The following KIAA1549L variants were observed in gnomAD, a reference collection of about 807,000 sequenced individuals.
The protein encoded by KIAA1549L is UPF0606 protein KIAA1549L.
Under a neutral mutation model 160.7 loss-of-function variants are expected in KIAA1549L, and 88 were observed. That is an observed-to-expected ratio of 0.55 (90% CI 0.46 to 0.65). The LOEUF is 0.65. KIAA1549L is among the 30% of genes least tolerant of loss of function. KIAA1549L has a pLI of 0.00. For missense variants in KIAA1549L, 2,258 were observed against 2,437.5 expected (o/e 0.93, Z 1.55); for synonymous variants, 950 against 976.7 (o/e 0.97, Z 0.51).
intron 18 of KIAA1549L, among the ~76,000 whole-genome samples, 185 bp from the exon 19 acceptor site, chr11:33,658,565 G>T (rs1290176415): frequency 1.3e-5 from 2 of 152,172 alleles, no homozygotes; most frequent in South Asian, 2.1e-4. Flanking sequence ...ACAAGTCTGG[G>T]TGCCTCCTGC....
At chr11:33,390,473 T>C (rs1565116469) in intron 1 of KIAA1549L, among the ~76,000 whole-genome samples, 1 of 152,202 alleles carries the variant, frequency 6.6e-6, no homozygotes, top group Non-Finnish European at 1.5e-5. Flanking sequence ...CTCTTTAGTT[T>C]AAACGCCCAC....
chr11:33,497,349 A>C (rs553245528), intron 1 of KIAA1549L, among the ~76,000 whole-genome samples: 1 of 152,330 alleles, frequency 6.6e-6, no homozygotes, highest in South Asian at 2.1e-4. Context: ...GCCATGCCCC[A>C]AAATGTGACC....
intron 19 of KIAA1549L, among the ~76,000 whole-genome samples, chr11:33,659,763 T>C (rs1030021738): frequency 6.6e-6 from 1 of 152,240 alleles, no homozygotes; most frequent in East Asian, 1.9e-4. Context: ...CAAGGTGTTA[T>C]TTCCTCTTGC....
chr11:33,519,958 T>A (rs1456576220), intron 1 of KIAA1549L, among the ~76,000 whole-genome samples: 2 of 141,820 alleles, frequency 1.4e-5, no homozygotes, highest in Non-Finnish European at 3.1e-5. Flanking sequence ...TTTTTTTTTT[T>A]AACAACTTTA....
intron 11 of KIAA1549L, 23 bp downstream of exon 11, chr11:33,583,524 G>T: frequency 6.4e-7 from 1 of 1,556,496 alleles, no homozygotes; most frequent in South Asian, 1.2e-5. Context: ...GGTGGGGAGA[G>T]GGGCAGGAGG....
intron 17 of KIAA1549L, among the ~76,000 whole-genome samples, chr11:33,648,248 G>A (rs915398191): frequency 1.1e-4 from 16 of 152,074 alleles, no homozygotes; most frequent in South Asian, 8.3e-4. Flanking sequence ...CACCCACCTC[G>A]GCCTCCCAAA....
rs1488810366 is a variant in KIAA1549L, at chr11:33,543,861, A to T, written c.2298A>T (p.Ser766=). 2.5e-6 allele frequency: 4 copies of T among 1,613,940 alleles called. No homozygotes were observed. The African/African-American group carries it at 5.3e-5, about 22-fold the overall frequency. ...ATTTCAAAGATACTGCTGGGCATTC[A>T]GTGACTGCAGAAGGGTTTAGTATTC... ...SQDFKDTAGH[S]VTAEGFSIQD... Residue 766 remains serine, a synonymous_variant, in exon 2 of 21, where the codon TCA becomes TCT. Coordinates refer to ENST00000658780, the MANE Select transcript of KIAA1549L (RefSeq NM_012194.3).
chr11:33,497,205 C>T (rs1852841355), intron 1 of KIAA1549L, among the ~76,000 whole-genome samples: 1 of 152,102 alleles, frequency 6.6e-6, no homozygotes, highest in Non-Finnish European at 1.5e-5. Flanking sequence ...CTAAATGCTG[C>T]AAGAGCAGGA....
intron 1 of KIAA1549L, among the ~76,000 whole-genome samples, chr11:33,500,818 AG>A (rs1339182323): frequency 6.6e-6 from 1 of 152,176 alleles, no homozygotes; most frequent in African/African-American, 2.4e-5. Context: ...AAAGAAATGT[AG>A]GCAACACCTT....
Position 33,440,120 on chromosome 11 carries a change from C to CTT in KIAA1549L, c.238+63257_238+63258dup, listed in dbSNP as rs201551936. ...GGTTATTTCCTCACCTATTTTGTTTCTTTTTTTTTTTTTTTTTTTTTTTTT... is the reference window on the plus strand; with the variant it reads ...GGTTATTTCCTCACCTATTTTGTTTCTTTTTTTTTTTTTTTTTTTTTTTTTTT... On this transcript the variant is annotated intron_variant, in intron 1 of 20. Transcript: ENST00000658780. 2.4e-3 allele frequency among the ~76,000 whole-genome samples: 204 copies of CTT among 83,412 alleles called. 32 individuals carry two copies. Among genetic ancestry groups the CTT allele is most frequent in the African/African-American group, 6.0e-3 (128 of 21,312 alleles). The allele number at this position is 83,412 out of a possible 152,430, so 54.7% of individuals were successfully genotyped here. A position where few individuals can be genotyped will look rare whatever the true frequency, so the allele number is the denominator to read the frequency against.
intron 8 of KIAA1549L, among the ~76,000 whole-genome samples, chr11:33,563,033 G>C (rs1043716896): frequency 1.3e-5 from 2 of 151,878 alleles, no homozygotes; most frequent in Non-Finnish European, 2.9e-5. Context: ...CACGTTCTGA[G>C]GTACTTGGGG....
intron 1 of KIAA1549L, among the ~76,000 whole-genome samples, chr11:33,380,166 C>G (rs1365319675): frequency 6.6e-6 from 1 of 152,226 alleles, no homozygotes; most frequent in Admixed American, 6.5e-5. Context: ...AGGCCCTCCT[C>G]TGCCGGCTGA....
chr11:33,467,620 A>G (rs1436170045), intron 1 of KIAA1549L, among the ~76,000 whole-genome samples: 1 of 152,264 alleles, frequency 6.6e-6, no homozygotes, highest in East Asian at 1.9e-4. Context: ...ACCAGATCCC[A>G]AGAACAGTGT....
intron 12 of KIAA1549L, among the ~76,000 whole-genome samples, chr11:33,592,118 G>C (rs557291859): frequency 6.6e-6 from 1 of 152,318 alleles, no homozygotes; most frequent in East Asian, 1.9e-4. Flanking sequence ...GGAGAGAAAA[G>C]GGACAGGTTT....
At chr11:33,398,661 A>G (rs1850435104) in intron 1 of KIAA1549L, among the ~76,000 whole-genome samples, 1 of 152,226 alleles carries the variant, frequency 6.6e-6, no homozygotes, top group African/African-American at 2.4e-5. Context: ...TTCATAACCT[A>G]GTTAGAAGAA....
chr11:33,413,838 T>C (rs1850832934), intron 1 of KIAA1549L, among the ~76,000 whole-genome samples: 1 of 152,208 alleles, frequency 6.6e-6, no homozygotes, highest in Non-Finnish European at 1.5e-5. Context: ...CATCCGTCTC[T>C]GCATACCTGT....
chr11:33,630,677 G>C (rs1231410662), intron 16 of KIAA1549L, among the ~76,000 whole-genome samples: 1 of 152,238 alleles, frequency 6.6e-6, no homozygotes, highest in Non-Finnish European at 1.5e-5. Context: ...TGCGCCCACT[G>C]TCTGGCACTC....
intron 1 of KIAA1549L, among the ~76,000 whole-genome samples, chr11:33,531,167 T>G (rs1204325374): frequency 6.6e-6 from 1 of 152,194 alleles, no homozygotes; most frequent in Non-Finnish European, 1.5e-5. Context: ...GAAATTCTAT[T>G]ACTTTTAAAA....
intron 1 of KIAA1549L, among the ~76,000 whole-genome samples, chr11:33,457,779 G>A (rs988304388): frequency 6.6e-6 from 1 of 152,128 alleles, no homozygotes; most frequent in Non-Finnish European, 1.5e-5. Context: ...AAGAGGAATT[G>A]GATATGCCCA....
Sources: allele counts gnomAD v4.1 joint callset (sites outside exome capture counted in the v4.1 genomes callset), GRCh38; gene constraint gnomAD v4.1.1; transcripts MANE v1.5; gene names NCBI Gene and HGNC (gene_info 2026-07-23, HGNC 2026-07-21).